Variants in ARHGAP30 observed in about 807,000 individuals in gnomAD.
The protein encoded by ARHGAP30 is rho GTPase-activating protein 30.
ARHGAP30 carries 23 observed loss-of-function variants against 72.0 expected under a neutral mutation model. That is an observed-to-expected ratio of 0.32 (90% CI 0.23 to 0.45). The LOEUF is 0.45. Ranked by LOEUF, ARHGAP30 falls within the 20% of genes least tolerant of loss-of-function variation. ARHGAP30 has a pLI of 1.00. For missense variants in ARHGAP30, 1,319 were observed against 1,383.4 expected (o/e 0.95, Z 0.74); for synonymous variants, 576 against 528.2 (o/e 1.09, Z -1.24).
chr1:161,047,873 G>C lies in ARHGAP30; in HGVS notation c.3148C>G (p.Leu1050Val). 1.2e-6 allele frequency: 2 copies of C among 1,611,524 alleles called. No individual in the cohort carries two copies. The highest frequency in any genetic ancestry group is 1.7e-6 in the Non-Finnish European group (2 of 1,178,876). ...TCTGCACCTTCAGATGGGAGCTCCAGGCAGCTAAGGGGCCGAGGAGAATGG... is the reference window on the plus strand; with the variant it reads ...TCTGCACCTTCAGATGGGAGCTCCACGCAGCTAAGGGGCCGAGGAGAATGG... ...SAHSPRPLSC[L>V]ELPSEGAEGS... Residue 1050 changes from leucine to valine, a missense_variant, in exon 12 of 12, where the codon CTG becomes GTG. Physicochemically the swap from Leu to Val is conservative, Grantham distance 32. Coordinates refer to ENST00000368013, the MANE Select transcript of ARHGAP30 (RefSeq NM_001025598.2).
chr1:161,049,191 C>T lies in ARHGAP30; in HGVS notation c.1830G>A (p.Leu610=). The change falls in exon 12 of 12, where the codon CTG becomes CTA. Residue 610 remains leucine (L), a synonymous_variant. Transcript: ENST00000368013. ...VEEENGEEVF[L]SAYDDLSPLL... is the part of the protein sequence containing the mutation. ...GGGGACTTAGGTCATCATAGGCACT[C>T]AGGAAAACTTCCTCCCCATTTTCCT... The T allele has an allele frequency of 6.2e-7, 1 of 1,614,176 alleles. No homozygotes were observed. The highest frequency in any genetic ancestry group is 8.5e-7 in the Non-Finnish European group (1 of 1,180,008).
At position 161,069,519 on chromosome 1, in the gene ARHGAP30, C is replaced by G; in HGVS notation, c.97+9G>C. The G allele has an allele frequency of 6.2e-7, 1 of 1,608,142 alleles. No homozygotes were observed. Among genetic ancestry groups the G allele is most frequent in the Non-Finnish European group, 8.5e-7 (1 of 1,179,518 alleles). Reference sequence around the variant, plus strand: ...ACCCACCCTGCAGAAGCTGAGCCGGCCTCCTTACCCTCCTGGCCTGAGTGC... The same window carrying G: ...ACCCACCCTGCAGAAGCTGAGCCGGGCTCCTTACCCTCCTGGCCTGAGTGC... On this transcript the variant is annotated intron_variant, in intron 1 of 11. Coordinates refer to ENST00000368013, the MANE Select transcript of ARHGAP30 (RefSeq NM_001025598.2). The surrounding 1 kb of genome is among the most constrained non-coding windows in gnomAD (Gnocchi z 4.9).
At chr1:161,067,047 C>G (rs964187328) in intron 1 of ARHGAP30, among the ~76,000 whole-genome samples, 8 of 152,042 alleles carry the variant, frequency 5.3e-5, no homozygotes, top group African/African-American at 1.7e-4. Flanking sequence ...AAAGGGGACA[C>G]TCAAAAGCCT....
chr1:161,064,777 GAAA>G (rs373425402), intron 1 of ARHGAP30, among the ~76,000 whole-genome samples: 9 of 68,714 alleles, frequency 1.3e-4, no homozygotes, highest in Admixed American at 7.0e-4. Flanking sequence ...AAGAAAGAAA[GAAA>G]AAGAAAGAAA....
chr1:161,064,780 A>AG (rs1652577252), intron 1 of ARHGAP30, among the ~76,000 whole-genome samples: 1 of 40,874 alleles, frequency 2.4e-5, no homozygotes, highest in African/African-American at 1.4e-4. Context: ...AAAGAAAGAA[A>AG]AAGAAAGAAA....
In ARHGAP30 at chr1:161,056,415, G is replaced by T. The variant is rs1437878031; in HGVS notation, c.318C>A (p.Leu106=). 5 of 1,613,858 alleles carry T rather than the reference G, an allele frequency of 3.1e-6. No homozygotes were observed. In the African/African-American group the frequency reaches 6.7e-5, roughly 22 times the overall value. The part of the protein sequence containing the change: ...AYFRELPDPL[L]TYRLYDKFAE... ...CAAACTTGTCATAGAGCCGGTAAGT[G>T]AGCAGGGGATCCGGCAGTTCTCTGA... Residue 106 remains leucine (L), a synonymous_variant, in exon 3 of 12, where the codon CTC becomes CTA. Coordinates refer to ENST00000368013, the MANE Select transcript of ARHGAP30 (RefSeq NM_001025598.2).
rs993182482 is a variant in ARHGAP30, at chr1:161,056,428, G to A, written c.305C>T (p.Pro102Leu). 2.5e-6 allele frequency: 4 copies of A among 1,613,764 alleles called. No homozygotes were observed. The highest frequency in any genetic ancestry group is 1.7e-5 in the Admixed American group (1 of 59,958). ...SLCKAYFREL[P>L]DPLLTYRLYD... ...GAGCCGGTAAGTGAGCAGGGGATCCGGCAGTTCTCTGAAATAGGCCTTGCA... is the reference window on the plus strand; with the variant it reads ...GAGCCGGTAAGTGAGCAGGGGATCCAGCAGTTCTCTGAAATAGGCCTTGCA... The change falls in exon 3 of 12, where the codon CCG (proline) becomes CTG (leucine). Residue 102 changes from proline (P) to leucine (L), a missense_variant. By Grantham distance (98) the Pro-to-Leu change is moderately conservative. Coordinates refer to ENST00000368013, the MANE Select transcript of ARHGAP30 (RefSeq NM_001025598.2).
Position 161,053,462 on chromosome 1 carries a change from T to TTCTCTCTCTCTC in ARHGAP30, c.537-89_537-78dup, listed in dbSNP as rs57196073. 7.8e-3 allele frequency: 5,383 copies of TTCTCTCTCTCTC among 690,186 alleles called. 103 individuals carry two copies. Among genetic ancestry groups the TTCTCTCTCTCTC allele is most frequent in the East Asian group, 9.5e-3 (254 of 26,630 alleles). The allele number at this position is 690,186 out of a possible 1,614,324, so 42.8% of individuals were successfully genotyped here. A position where few individuals can be genotyped will look rare whatever the true frequency, so the allele number is the denominator to read the frequency against. On this transcript the variant is annotated intron_variant, in intron 5 of 11. Coordinates refer to ENST00000368013, the MANE Select transcript of ARHGAP30 (RefSeq NM_001025598.2). ...CCAGATTCTCCCTGAAAATACCTTA[T>TTCTCTCTCTCTC]TCTCTCTCTCTCTCTCTCTCTCTCT...
chr1:161,047,717 A>G lies in ARHGAP30; in HGVS notation c.3304T>C (p.Ter1102ArgextTer15). The G allele has an allele frequency of 6.6e-7, 1 of 1,516,508 alleles. No individual in the cohort carries two copies. Among genetic ancestry groups the G allele is most frequent in the Non-Finnish European group, 8.8e-7 (1 of 1,133,030 alleles). The allele number at this position is 1,516,508 out of a possible 1,614,324, so 93.9% of individuals were successfully genotyped here. The change falls in exon 12 of 12, where the codon TGA becomes CGA. Residue 1102 changes from the stop codon to arginine (R), a stop_lost. Coordinates refer to ENST00000368013, the MANE Select transcript of ARHGAP30 (RefSeq NM_001025598.2). ...TTTGCCCAGGGCTGTGGTCCTAATC[A>G]CAGTCCTTCACCTTTCCCAGGGTTA... ...QANPGKGEGL[*>R]
chr1:161,062,722 C>T (rs1279002144), intron 1 of ARHGAP30, among the ~76,000 whole-genome samples: 4 of 151,258 alleles, frequency 2.6e-5, no homozygotes, highest in Admixed American at 6.6e-5. Flanking sequence ...GAGTGAGATT[C>T]CGTGTCAAAA....
At chr1:161,066,238 A>T (rs555464419) in intron 1 of ARHGAP30, among the ~76,000 whole-genome samples, 1 of 149,722 alleles carries the variant, frequency 6.7e-6, no homozygotes, top group Admixed American at 6.8e-5. Context: ...CACAGCCAGG[A>T]GTTGGGTGGG....
chr1:161,048,659 T>C lies in ARHGAP30; in HGVS notation c.2362A>G (p.Lys788Glu). 1.2e-6 allele frequency: 2 copies of C among 1,614,122 alleles called. No individual in the cohort carries two copies. The highest frequency in any genetic ancestry group is 1.7e-6 in the Non-Finnish European group (2 of 1,180,022). ...TCTCTGACTCCCTCAGCCTCTTGTT[T>C]CTGTACAACTTCCCATTTCTCCTCA... ...VAEEKWEVVQ[K>E]QEAEGVREDE... The change falls in exon 12 of 12, where the codon AAA becomes GAA. Residue 788 changes from lysine to glutamate, a missense_variant. Physicochemically the swap from Lys to Glu is moderately conservative, Grantham distance 56. Transcript: ENST00000368013.
Position 161,049,753 on chromosome 1 carries a change from C to CCT in ARHGAP30, c.1421-66_1421-65dup, listed in dbSNP as rs1651208602. 1.9e-6 allele frequency: 3 copies of CCT among 1,560,932 alleles called. No individual in the cohort carries two copies. The East Asian group carries it at 6.7e-5, about 35-fold the overall frequency. On this transcript the variant is annotated intron_variant, in intron 10 of 11. Transcript: ENST00000368013. ...AGCCCTGACCCTTTTCAGTGTGAGT[C>CCT]CTCCTAGCATTGATATAGCAGGGGC...
Position 161,049,258 on chromosome 1 carries a change from C to T in ARHGAP30, c.1763G>A (p.Cys588Tyr). 6.2e-7 allele frequency: 1 copy of T among 1,614,158 alleles called. No homozygotes were observed. The change falls in exon 12 of 12, where the codon TGC becomes TAC. Residue 588 changes from cysteine (C) to tyrosine (Y), a missense_variant. Around this residue, in one of 2 missense-constraint regions of ARHGAP30, gnomAD observed 1,097 missense variants for 1,045.2 expected, o/e 1.05. Coordinates refer to ENST00000368013, the MANE Select transcript of ARHGAP30 (RefSeq NM_001025598.2). Reference protein sequence around the residue: ...DEAQFVLAPSCCSLDSAGPRP... With the variant: ...DEAQFVLAPSYCSLDSAGPRP... ...GGGGCCAGCGGAGTCCAGGGAACAGCAGCTGGGGGCCAAGACAAACTGTGC... is the reference window on the plus strand; with the variant it reads ...GGGGCCAGCGGAGTCCAGGGAACAGTAGCTGGGGGCCAAGACAAACTGTGC...
intron 5 of ARHGAP30, 82 bp from the exon 6 acceptor site, chr1:161,053,467 T>C (rs1271105708): frequency 1.7e-6 from 1 of 575,130 alleles, no homozygotes; most frequent in Non-Finnish European, 2.3e-6. Context: ...CCTTATTCTC[T>C]CTCTCTCTCT....
At chr1:161,059,315 C>T (rs1455622274) in intron 2 of ARHGAP30, among the ~76,000 whole-genome samples, 2 of 150,402 alleles carry the variant, frequency 1.3e-5, no homozygotes, top group Non-Finnish European at 2.9e-5. Flanking sequence ...AAGCGTGAGC[C>T]ACCGCGCCTG....
intron 6 of ARHGAP30, 136 bp downstream of exon 6, chr1:161,053,122 C>T: frequency 7.6e-7 from 1 of 1,314,604 alleles, no homozygotes; most frequent in South Asian, 1.4e-5. Context: ...ACAATTATCT[C>T]CCCAGGGTTC....
chr1:161,051,548 T>G lies in ARHGAP30; in HGVS notation c.1186A>C (p.Ile396Leu). The change falls in exon 10 of 12, where the codon ATC (isoleucine) becomes CTC (leucine). Residue 396 changes from isoleucine (I) to leucine (L), a missense_variant. Ile to Leu is a conservative substitution (Grantham distance 5, BLOSUM62 2). Transcript: ENST00000368013. The stretch of plus-strand genomic sequence containing the variant: ...GCACGGCTGCTGCCCCCAGCCCGGA[T>G]GGCTGACCGCCCAGCTCGTGGTGTG... ...PGTPRAGRSA[I>L]RAGGSSRAER... is the part of the protein sequence containing the mutation. 1 of 1,614,176 alleles carries G rather than the reference T, an allele frequency of 6.2e-7. No individual in the cohort carries two copies. The highest frequency in any genetic ancestry group is 8.5e-7 in the Non-Finnish European group (1 of 1,180,046).
At chr1:161,054,801 C>T in intron 3 of ARHGAP30, 96 bp from the exon 4 acceptor site, 1 of 1,068,984 alleles carries the variant, frequency 9.4e-7, no homozygotes, top group Non-Finnish European at 1.4e-6. Context: ...GAACAATGTG[C>T]ACTGGACTCT....
Sources: gnomAD v4.1 joint callset for allele counts (sites outside exome capture counted in the v4.1 genomes callset) on GRCh38, gnomAD v4.1.1 for gene constraint, gnomAD v4.1.1 regional missense constraint, Gnocchi (gnomAD v3.1) non-coding constraint, MANE v1.5 for transcripts, NCBI Gene and HGNC (gene_info 2026-07-23, HGNC 2026-07-21) for gene names.